LPCAT1: variants seen among roughly 807,000 people sequenced by gnomAD.
The protein encoded by LPCAT1 is lysophosphatidylcholine acyltransferase 1.
A neutral mutation model predicts 60.9 loss-of-function variants in LPCAT1; 23 were observed. That is an observed-to-expected ratio of 0.38 (90% CI 0.27 to 0.53). The LOEUF (loss-of-function observed/expected upper bound fraction) is 0.53. Ranked by LOEUF, LPCAT1 falls within the 20% of genes least tolerant of loss-of-function variation. The pLI, the probability that LPCAT1 is intolerant of heterozygous loss-of-function variation, is 0.82. For missense variants in LPCAT1, 622 were observed against 723.6 expected (o/e 0.86, Z 1.61); for synonymous variants, 340 against 301.1 (o/e 1.13, Z -1.34).
chr5:1,501,086 C>T (rs921293564), intron 2 of LPCAT1, among the ~76,000 whole-genome samples: 6 of 152,166 alleles, frequency 3.9e-5, no homozygotes, highest in Non-Finnish European at 8.8e-5. Context: ...GGCTGGCAGT[C>T]ACAAAGCCAG....
At chr5:1,471,865 G>A (rs372144321) in intron 11 of LPCAT1, among the ~76,000 whole-genome samples, 5 of 151,234 alleles carry the variant, frequency 3.3e-5, no homozygotes, top group African/African-American at 1.2e-4. Context: ...CAGAGGCAAA[G>A]GAAGGACTCC....
At chr5:1,493,752 A>G (rs7735915) in intron 3 of LPCAT1, among the ~76,000 whole-genome samples, 37,623 of 152,270 alleles carry the variant, frequency 0.25, 5,052 homozygotes, top group East Asian at 0.43. Flanking sequence ...CAGTCCTCCC[A>G]GAGCAGTGGG....
chr5:1,519,714 A>C (rs1053708261), intron 1 of LPCAT1, among the ~76,000 whole-genome samples: 1 of 152,230 alleles, frequency 6.6e-6, no homozygotes, highest in African/African-American at 2.4e-5. Flanking sequence ...AGGACACGGG[A>C]AAATGACGCT....
At position 1,502,015 on chromosome 5, in the gene LPCAT1, C is replaced by T. The variant is rs547217918; in HGVS notation, c.136-412G>A. Among the ~76,000 whole-genome samples the T allele has an allele frequency of 5.9e-5, 9 of 152,150 alleles. No individual in the cohort carries two copies. The highest frequency in any genetic ancestry group is 1.4e-4 in the African/African-American group (6 of 41,408). On this transcript the variant is annotated intron_variant, in intron 1 of 13. Transcript: ENST00000283415. The surrounding 1 kb of genome is among the most constrained non-coding windows in gnomAD (Gnocchi z 5.5). Reference sequence around the variant, plus strand: ...CTGACCAAGGCTGACCAACATTGACCGGCACTGACCAAGGCTGACCGGTGC... The same window carrying T: ...CTGACCAAGGCTGACCAACATTGACTGGCACTGACCAAGGCTGACCGGTGC...
intron 5 of LPCAT1, among the ~76,000 whole-genome samples, chr5:1,484,479 C>A (rs140032716): frequency 6.6e-6 from 1 of 152,242 alleles, no homozygotes; most frequent in Admixed American, 6.5e-5. Flanking sequence ...CCCTGCCTGG[C>A]GACCTGAGGC....
At chr5:1,467,945 C>G (rs1734499750) in intron 12 of LPCAT1, among the ~76,000 whole-genome samples, 1 of 152,154 alleles carries the variant, frequency 6.6e-6, no homozygotes, top group African/African-American at 2.4e-5. Flanking sequence ...GAGTCCCCTT[C>G]TCCTGCTGCA....
In LPCAT1 at chr5:1,477,907, G is replaced by A. The variant is rs937840167; in HGVS notation, c.817-421C>T. Among the ~76,000 whole-genome samples the A allele has an allele frequency of 7.9e-6, 1 of 126,236 alleles. No individual in the cohort carries two copies. Among genetic ancestry groups the A allele is most frequent in the Non-Finnish European group, 1.7e-5 (1 of 59,808 alleles). The allele number at this position is 126,236 out of a possible 152,430, so 82.8% of individuals were successfully genotyped here. On this transcript the variant is annotated intron_variant, in intron 8 of 13. Transcript: ENST00000283415. The surrounding 1 kb of genome is among the most constrained non-coding windows in gnomAD (Gnocchi z 6.0). ...CTCTGATCTACACTCACCCCCGTCAGTGCTCCTGGGAGCGCCTGCTGCCTA... is the reference window on the plus strand; with the variant it reads ...CTCTGATCTACACTCACCCCCGTCAATGCTCCTGGGAGCGCCTGCTGCCTA...
chr5:1,484,319 C>A (rs1735289012), intron 5 of LPCAT1, among the ~76,000 whole-genome samples: 1 of 152,262 alleles, frequency 6.6e-6, no homozygotes, highest in Non-Finnish European at 1.5e-5. Context: ...CCCTTGCGGG[C>A]TGGAGCAAGG....
intron 1 of LPCAT1, among the ~76,000 whole-genome samples, chr5:1,508,633 A>G (rs1032892593): frequency 6.6e-6 from 1 of 152,246 alleles, no homozygotes; most frequent in African/African-American, 2.4e-5. Context: ...GCCCCATCTG[A>G]GGCACTTTAT....
In LPCAT1 at chr5:1,480,949, G is replaced by A. The variant is rs762830445; in HGVS notation, c.754C>T (p.Pro252Ser). Residue 252 changes from proline to serine, a missense_variant, in exon 7 of 14, where the codon CCT becomes TCT. This residue lies in a region of LPCAT1 where 209 missense variants were observed against 325.5 expected (regional missense o/e 0.64). Coordinates refer to ENST00000283415, the MANE Select transcript of LPCAT1 (RefSeq NM_024830.5). This position sits in a 1 kb window ranked among gnomAD's most constrained non-coding sequence, Gnocchi z 6.4. ...ACACGGCGTTCAACTTACGCTCCAG[G>A]TCCTTGCCACGTCCATGTGATGGTG... The part of the protein sequence containing the change: ...LDTITWTWQG[P>S]GALEILWLTL... 2 of 1,613,770 alleles carry A rather than the reference G, an allele frequency of 1.2e-6. No individual in the cohort carries two copies. The highest frequency in any genetic ancestry group is 1.7e-6 in the Non-Finnish European group (2 of 1,180,018).
chr5:1,503,984 T>C (rs1364712956), intron 1 of LPCAT1, among the ~76,000 whole-genome samples: 1 of 152,256 alleles, frequency 6.6e-6, no homozygotes, highest in African/African-American at 2.4e-5. Context: ...ATCAGTCTTC[T>C]TACAGAACCA....
Position 1,522,192 on chromosome 5 carries a change from G to A in LPCAT1, c.135+1518C>T, listed in dbSNP as rs1206908899. Among the ~76,000 whole-genome samples the A allele has an allele frequency of 1.3e-5, 2 of 152,232 alleles. No homozygotes were observed. The highest frequency in any genetic ancestry group is 2.9e-5 in the Non-Finnish European group (2 of 68,042). On this transcript the variant is annotated intron_variant, in intron 1 of 13. Coordinates refer to ENST00000283415, the MANE Select transcript of LPCAT1 (RefSeq NM_024830.5). This position sits in a 1 kb window ranked among gnomAD's most constrained non-coding sequence, Gnocchi z 6.8. Reference sequence around the variant, plus strand: ...CGTCCCCGCTGAGGGCTTCCGAGCAGCAGAGTGCAGGAGGAAGAAAGCCTG... The same window carrying A: ...CGTCCCCGCTGAGGGCTTCCGAGCAACAGAGTGCAGGAGGAAGAAAGCCTG...
intron 13 of LPCAT1, among the ~76,000 whole-genome samples, chr5:1,466,319 G>A (rs1280510944): frequency 6.6e-6 from 1 of 152,092 alleles, no homozygotes; most frequent in African/African-American, 2.4e-5. Context: ...GGCGGCACGG[G>A]GGTCTGCAGC....
rs199967384 is a variant in LPCAT1, at chr5:1,477,440, G to A, written c.863C>T (p.Ala288Val). The change falls in exon 9 of 14, where the codon GCG (alanine) becomes GTG (valine). Residue 288 changes from alanine to valine, a missense_variant. Ala to Val is a moderately conservative substitution (Grantham distance 64). Transcript: ENST00000283415. This position sits in a 1 kb window ranked among gnomAD's most constrained non-coding sequence, Gnocchi z 6.0. ...SPSEEEKRNPALYASNVRRVM... is the reference protein window; with the variant it reads ...SPSEEEKRNPVLYASNVRRVM... ...TCGCCGCACGTTGCTGGCATACAGC[G>A]CGGGGTTCCTCTTCTCCTCCTCAGA... is the stretch of plus-strand genomic sequence containing the variant. 43 of 1,614,020 alleles carry A rather than the reference G, an allele frequency of 2.7e-5. No individual in the cohort carries two copies. Among genetic ancestry groups the A allele is most frequent in the Admixed American group, 8.3e-5 (5 of 60,006 alleles).
chr5:1,512,771 G>C (rs1736395501), intron 1 of LPCAT1, among the ~76,000 whole-genome samples: 1 of 152,236 alleles, frequency 6.6e-6, no homozygotes. Context: ...ACACATTGGT[G>C]CTGTTGGAAA....
intron 1 of LPCAT1, among the ~76,000 whole-genome samples, chr5:1,506,326 G>A (rs1030942631): frequency 2.6e-5 from 4 of 152,188 alleles, no homozygotes; most frequent in Admixed American, 1.3e-4. Flanking sequence ...TGCCAGGCTC[G>A]GCCCGCCCAC....
intron 12 of LPCAT1, among the ~76,000 whole-genome samples, chr5:1,468,593 C>G (rs1734536107): frequency 6.6e-6 from 1 of 152,238 alleles, no homozygotes; most frequent in Non-Finnish European, 1.5e-5. Flanking sequence ...GAGGCTACCA[C>G]AGGCAACAGA....
At position 1,487,850 on chromosome 5, in the gene LPCAT1, A is replaced by G. The variant is rs1021571631; in HGVS notation, c.667+541T>C. On this transcript the variant is annotated intron_variant, in intron 5 of 13. Transcript: ENST00000283415. This position sits in a 1 kb window ranked among gnomAD's most constrained non-coding sequence, Gnocchi z 6.1. ...TGGACTCTGCTGCCTGCTCACTGCC[A>G]CACTTCCCACGTCAGGGGTGCAGAC... Among the ~76,000 whole-genome samples the G allele has an allele frequency of 2.0e-5, 3 of 152,152 alleles. No individual in the cohort carries two copies. The highest frequency in any genetic ancestry group is 7.2e-5 in the African/African-American group (3 of 41,432).
At chr5:1,503,522 T>G (rs1053941912) in intron 1 of LPCAT1, among the ~76,000 whole-genome samples, 6 of 152,256 alleles carry the variant, frequency 3.9e-5, no homozygotes, top group Admixed American at 1.3e-4. Context: ...TTCAGCGCTG[T>G]GCAGCTCCCT....
Sources: gnomAD v4.1 joint callset for allele counts (sites outside exome capture counted in the v4.1 genomes callset) on GRCh38, gnomAD v4.1.1 for gene constraint, gnomAD v4.1.1 regional missense constraint, Gnocchi (gnomAD v3.1) non-coding constraint, MANE v1.5 for transcripts, NCBI Gene and HGNC (gene_info 2026-07-23, HGNC 2026-07-21) for gene names.